Variants in PDPK1 observed in about 807,000 individuals in gnomAD.
The protein encoded by PDPK1 is 3-phosphoinositide dependent protein kinase 1, also known as 3-phosphoinositide-dependent protein kinase 1.
Under a neutral mutation model 39.8 loss-of-function variants are expected in PDPK1, and 7 were observed. The observed-to-expected ratio is 0.18, with a 90% CI of 0.10 to 0.33. The LOEUF (loss-of-function observed/expected upper bound fraction) is 0.33. Among genes scored for constraint, PDPK1 ranks in the 10% least tolerant of loss-of-function variants. PDPK1 has a pLI of 1.00. For missense variants in PDPK1, 182 were observed against 384.7 expected (o/e 0.47, Z 4.41); for synonymous variants, 118 against 159.1 (o/e 0.74, Z 1.95).
intron 1 of PDPK1, chr16:2,556,757 AC>A (rs1408225813): frequency 6.8e-6 from 1 of 147,910 alleles, no homozygotes; most frequent in Non-Finnish European, 1.5e-5. Context: ...CGCCTCATCC[AC>A]CCAAACTGCT....
Position 2,595,860 on chromosome 16 carries a change from C to CA in PDPK1, c.1401+11dup, listed in dbSNP as rs1567170841. On this transcript the variant is annotated intron_variant, in intron 12 of 13. Transcript: ENST00000342085. ...AGTGGATAAGCGGAAGGTGAGTGGTCAGTGGTCCCGCTGCTCCGCACGGAC... is the reference window on the plus strand; with the variant it reads ...AGTGGATAAGCGGAAGGTGAGTGGTCAAGTGGTCCCGCTGCTCCGCACGGAC... 6.2e-7 allele frequency: 1 copy of CA among 1,609,696 alleles called. No homozygotes were observed. Among genetic ancestry groups the CA allele is most frequent in the Admixed American group, 1.7e-5 (1 of 60,020 alleles).
At chr16:2,542,398 A>G (rs1197071073) in intron 1 of PDPK1, among the ~76,000 whole-genome samples, 1 of 152,072 alleles carries the variant, frequency 6.6e-6, no homozygotes, top group Non-Finnish European at 1.5e-5. Flanking sequence ...GTCTCAAGGG[A>G]TCCTCCCGCC....
chr16:2,538,880 C>T (rs907531865), intron 1 of PDPK1: 9 of 727,696 alleles, frequency 1.2e-5, no homozygotes, highest in Middle Eastern at 5.5e-4. Context: ...CTAAAAGTAT[C>T]CCTCGTGTTT....
chr16:2,592,367 G>C (rs910194911), intron 11 of PDPK1: 1 of 239,914 alleles, frequency 4.2e-6, no homozygotes, highest in Admixed American at 5.2e-5. Flanking sequence ...TGCATGGCGA[G>C]TAGTTAGGTG....
intron 1 of PDPK1, among the ~76,000 whole-genome samples, chr16:2,551,943 G>A (rs1315782632): frequency 2.6e-5 from 4 of 151,298 alleles, no homozygotes; most frequent in African/African-American, 7.3e-5. Flanking sequence ...TGGGATTATA[G>A]GCATGAGCCA....
Position 2,597,642 on chromosome 16 carries a change from T to C in PDPK1, c.1555-9T>C. The C allele has an allele frequency of 6.3e-7, 1 of 1,599,244 alleles. No individual in the cohort carries two copies. Among genetic ancestry groups the C allele is most frequent in the Non-Finnish European group, 8.6e-7 (1 of 1,166,674 alleles). On this transcript the variant is annotated splice_polypyrimidine_tract_variant and intron_variant, in intron 13 of 13. Transcript: ENST00000342085. The surrounding 1 kb of genome is among the most constrained non-coding windows in gnomAD (Gnocchi z 6.3). The stretch of plus-strand genomic sequence containing the variant: ...CCTGGAGAACACTAAACGGCTTCTG[T>C]CTTCGCAGCCTAACAGGACGTATTA...
intron 7 of PDPK1, among the ~76,000 whole-genome samples, chr16:2,577,765 A>G (rs1199944236): frequency 6.7e-6 from 1 of 149,484 alleles, no homozygotes; most frequent in Non-Finnish European, 1.5e-5. Flanking sequence ...TTTGAGACGG[A>G]GTCTCGCTCT....
intron 1 of PDPK1, among the ~76,000 whole-genome samples, chr16:2,541,029 A>G (rs895698647): frequency 1.3e-5 from 2 of 152,044 alleles, no homozygotes; most frequent in Non-Finnish European, 2.9e-5. Context: ...AGTGTGATGT[A>G]TTCCTGTACG....
intron 12 of PDPK1, among the ~76,000 whole-genome samples, chr16:2,596,781 C>T (rs539908969): frequency 2.0e-5 from 3 of 152,096 alleles, no homozygotes; most frequent in East Asian, 3.9e-4. Flanking sequence ...TGTTCCTGGC[C>T]GTATGTCCTC....
chr16:2,584,769 C>T (rs997737905), intron 10 of PDPK1, among the ~76,000 whole-genome samples: 14 of 152,064 alleles, frequency 9.2e-5, no homozygotes, highest in Non-Finnish European at 1.6e-4. Context: ...CTCATCCTCC[C>T]GACATCCTTT....
intron 6 of PDPK1, among the ~76,000 whole-genome samples, chr16:2,573,457 G>A (rs1190588303): frequency 7.9e-5 from 3 of 37,802 alleles, no homozygotes; most frequent in African/African-American, 5.4e-4. Flanking sequence ...AAAACACTTT[G>A]TAGTTTTCAG....
chr16:2,590,391 A>AAG (rs2066965067), intron 11 of PDPK1, among the ~76,000 whole-genome samples: 1 of 152,310 alleles, frequency 6.6e-6, no homozygotes, highest in East Asian at 1.9e-4. Context: ...CACCCACAGG[A>AAG]AGAGAGAGAG....
chr16:2,594,216 A>G (rs1167002259), intron 11 of PDPK1: 1 of 152,304 alleles, frequency 6.6e-6, no homozygotes, highest in Admixed American at 6.5e-5. Context: ...GTGCTCAGAT[A>G]TTGATTTGAT....
Position 2,603,136 on chromosome 16 carries a change from T to C in PDPK1, c.*5369T>C, listed in dbSNP as rs1368729983. ...TGCTTTAGGTGTAGTTACCAGATGATGAATTTTCCTCGTATGGTCAGTAGT... is the reference window on the plus strand; with the variant it reads ...TGCTTTAGGTGTAGTTACCAGATGACGAATTTTCCTCGTATGGTCAGTAGT... On this transcript the variant is annotated 3_prime_UTR_variant, in exon 14 of 14. Coordinates refer to ENST00000342085, the MANE Select transcript of PDPK1 (RefSeq NM_002613.5). The C allele has an allele frequency of 4.5e-6, 1 of 224,370 alleles. No homozygotes were observed. The highest frequency in any genetic ancestry group is 8.9e-6 in the Non-Finnish European group (1 of 112,442). 13.9% of individuals were successfully genotyped at this position (224,370 alleles called of 1,614,324 possible). A position where few individuals can be genotyped will look rare whatever the true frequency, so the allele number is the denominator to read the frequency against.
chr16:2,546,338 TC>T (rs2066345880), intron 1 of PDPK1, among the ~76,000 whole-genome samples: 1 of 150,530 alleles, frequency 6.6e-6, no homozygotes, highest in Non-Finnish European at 1.5e-5. Context: ...CACCTCAGCC[TC>T]CCAAAGTGCT....
intron 1 of PDPK1, among the ~76,000 whole-genome samples, chr16:2,545,611 C>T (rs985102519): frequency 5.3e-5 from 8 of 152,128 alleles, no homozygotes; most frequent in Admixed American, 6.6e-5. Context: ...TCTCCTGCTT[C>T]AGCTTCATGA....
chr16:2,538,041 G>T lies in PDPK1; in HGVS notation c.-72G>T. ...CGGCCATTGCTGGGGCTCCGCTTCG[G>T]GGAGGAGGACGCTGAGGAGGCGCCG... On this transcript the variant is annotated 5_prime_UTR_variant, in exon 1 of 14. Transcript: ENST00000342085. The T allele has an allele frequency of 1.4e-6, 1 of 717,070 alleles. No homozygotes were observed. The highest frequency in any genetic ancestry group is 1.7e-6 in the Non-Finnish European group (1 of 574,196). 44.4% of individuals were successfully genotyped at this position (717,070 alleles called of 1,614,324 possible). A position where few individuals can be genotyped will look rare whatever the true frequency, so the allele number is the denominator to read the frequency against.
At position 2,600,292 on chromosome 16, in the gene PDPK1, C is replaced by T. The variant is rs1343257743; in HGVS notation, c.*2525C>T. 8.6e-6 allele frequency: 2 copies of T among 233,316 alleles called. No homozygotes were observed. Among genetic ancestry groups the T allele is most frequent in the Non-Finnish European group, 1.7e-5 (2 of 118,136 alleles). 14.5% of individuals were successfully genotyped at this position (233,316 alleles called of 1,614,324 possible). On this transcript the variant is annotated 3_prime_UTR_variant, in exon 14 of 14. Coordinates refer to ENST00000342085, the MANE Select transcript of PDPK1 (RefSeq NM_002613.5). ...ACCTGCTGTTTAATAGACTTGGGGC[C>T]ATGTGCCTCCCCACACATGGGCAAG...
At chr16:2,551,659 CTT>C (rs1174322765) in intron 1 of PDPK1, among the ~76,000 whole-genome samples, 50 of 132,864 alleles carry the variant, frequency 3.8e-4, no homozygotes, top group Admixed American at 4.7e-4. Flanking sequence ...TGATTTCCAT[CTT>C]TTTTTTTTTT....
Sources: gnomAD v4.1 joint callset for allele counts (sites outside exome capture counted in the v4.1 genomes callset) on GRCh38, gnomAD v4.1.1 for gene constraint, Gnocchi (gnomAD v3.1) non-coding constraint, MANE v1.5 for transcripts, NCBI Gene and HGNC (gene_info 2026-07-23, HGNC 2026-07-21) for gene names.